Variants in CDC14A observed in about 807,000 individuals in gnomAD.
CDC14A encodes the protein dual specificity protein phosphatase CDC14A.
CDC14A carries 53 observed loss-of-function variants against 74.4 expected under a neutral mutation model. The ratio of observed to expected loss-of-function variants is 0.71; its 90% CI spans 0.57 to 0.89. CDC14A has a LOEUF of 0.89. CDC14A is among the 40% of genes least tolerant of loss of function. CDC14A has a pLI of 0.00. For missense variants in CDC14A, 646 were observed against 713.7 expected (o/e 0.91, Z 1.08); for synonymous variants, 247 against 258.4 (o/e 0.96, Z 0.43).
chr1:100,396,049 T>G (rs1182021145), intron 4 of CDC14A, among the ~76,000 whole-genome samples: 1 of 152,260 alleles, frequency 6.6e-6, no homozygotes, highest in African/African-American at 2.4e-5. Context: ...TTACTTTGTT[T>G]ATGCATTTAC....
intron 9 of CDC14A, among the ~76,000 whole-genome samples, chr1:100,464,471 T>G (rs555355214): frequency 6.6e-6 from 1 of 152,278 alleles, no homozygotes; most frequent in Non-Finnish European, 1.5e-5. Flanking sequence ...ATTGCCCAGG[T>G]CCAAGAAAAA....
chr1:100,492,866 G>T (rs1045221028), intron 11 of CDC14A, among the ~76,000 whole-genome samples: 1 of 148,280 alleles, frequency 6.7e-6, no homozygotes, highest in Non-Finnish European at 1.5e-5. Context: ...GTGTGTGTAT[G>T]TGTGTGTGTG....
intron 5 of CDC14A, among the ~76,000 whole-genome samples, chr1:100,428,572 A>G (rs1053462100): frequency 1.3e-5 from 2 of 152,186 alleles, no homozygotes; most frequent in Non-Finnish European, 2.9e-5. Flanking sequence ...ATTATAGTGT[A>G]TACTATTGAG....
chr1:100,494,494 G>C (rs1647479073), intron 11 of CDC14A, among the ~76,000 whole-genome samples: 1 of 152,300 alleles, frequency 6.6e-6, no homozygotes, highest in Non-Finnish European at 1.5e-5. Context: ...GGGCCCTTCT[G>C]TATCTAGGCT....
chr1:100,448,758 C>T (rs990199269), intron 7 of CDC14A, among the ~76,000 whole-genome samples: 1 of 152,244 alleles, frequency 6.6e-6, no homozygotes, highest in African/African-American at 2.4e-5. Context: ...CATAGCTTTT[C>T]AGTTCATTTG....
intron 10 of CDC14A, among the ~76,000 whole-genome samples, chr1:100,469,957 A>T (rs932755232): frequency 2.6e-5 from 4 of 152,240 alleles, no homozygotes; most frequent in Non-Finnish European, 5.9e-5. Context: ...CTTAAGCTGT[A>T]TATAAAGAAC....
intron 10 of CDC14A, among the ~76,000 whole-genome samples, chr1:100,476,588 T>A (rs1571293617): frequency 6.7e-6 from 1 of 149,008 alleles, no homozygotes; most frequent in East Asian, 2.0e-4. Flanking sequence ...ATCTGCCTTT[T>A]TCTTTTCTAT....
At chr1:100,408,170 T>G (rs866129472) in intron 4 of CDC14A, among the ~76,000 whole-genome samples, 74 of 152,286 alleles carry the variant, frequency 4.9e-4, no homozygotes, top group African/African-American at 1.7e-3. Flanking sequence ...ATGCAGTATT[T>G]GGTTTTCTGT....
chr1:100,406,042 T>C (rs112371676), intron 4 of CDC14A, among the ~76,000 whole-genome samples: 1 of 152,232 alleles, frequency 6.6e-6, no homozygotes, highest in East Asian at 1.9e-4. Flanking sequence ...CAGCATCTGT[T>C]GTTTTTTGAC....
At chr1:100,363,110 C>G (rs1440946102) in intron 2 of CDC14A, 1 of 152,256 alleles carries the variant, frequency 6.6e-6, no homozygotes. Context: ...CCACCCTAAT[C>G]TTATTATGCA....
At chr1:100,408,570 C>T (rs1660250021) in intron 4 of CDC14A, among the ~76,000 whole-genome samples, 1 of 152,212 alleles carries the variant, frequency 6.6e-6, no homozygotes, top group Admixed American at 6.5e-5. Flanking sequence ...TGCAGCCTCA[C>T]CAGCATCTGT....
chr1:100,463,349 C>G (rs1423124802), intron 9 of CDC14A, among the ~76,000 whole-genome samples: 2 of 152,156 alleles, frequency 1.3e-5, no homozygotes, highest in African/African-American at 4.8e-5. Flanking sequence ...TCCCTCCCCT[C>G]CTAGTCTTTG....
intron 2 of CDC14A, among the ~76,000 whole-genome samples, chr1:100,367,234 T>A (rs1228883460): frequency 6.6e-6 from 1 of 152,236 alleles, no homozygotes; most frequent in Non-Finnish European, 1.5e-5. Flanking sequence ...CACCCTGCTT[T>A]TGTTCCAAGC....
intron 2 of CDC14A, among the ~76,000 whole-genome samples, chr1:100,361,754 G>T (rs1378075653): frequency 6.6e-6 from 1 of 152,206 alleles, no homozygotes; most frequent in African/African-American, 2.4e-5. Flanking sequence ...TTGGGGACTG[G>T]ATTGTGGAAA....
chr1:100,347,660 T>G (rs2100858198), upstream of CDC14A, among the ~76,000 whole-genome samples: 1 of 152,324 alleles, frequency 6.6e-6, no homozygotes, highest in South Asian at 2.1e-4. Context: ...AAATTATTTT[T>G]GGGATCAAAA....
chr1:100,458,117 G>T (rs1048486812), intron 8 of CDC14A, among the ~76,000 whole-genome samples: 1 of 152,178 alleles, frequency 6.6e-6, no homozygotes, highest in African/African-American at 2.4e-5. Flanking sequence ...TCTATTTAAT[G>T]ATCAGAACAA....
chr1:100,472,345 G>GT (rs991771809), intron 10 of CDC14A, among the ~76,000 whole-genome samples: 12 of 152,096 alleles, frequency 7.9e-5, no homozygotes, highest in African/African-American at 2.7e-4. Flanking sequence ...AGATATGCCT[G>GT]TTTATGTTCT....
chr1:100,390,705 C>T (rs1401481606), intron 3 of CDC14A, 27 bp from the exon 4 acceptor site: 2 of 1,441,246 alleles, frequency 1.4e-6, no homozygotes, highest in East Asian at 4.5e-5. Context: ...TATGGTTACA[C>T]TAACTCTTTT....
chr1:100,394,956 T>C (rs1480679424), intron 4 of CDC14A, among the ~76,000 whole-genome samples: 2 of 152,214 alleles, frequency 1.3e-5, no homozygotes, highest in Non-Finnish European at 2.9e-5. Flanking sequence ...TAAGTGTCCG[T>C]TTTCTGGGGG....
Sources: gnomAD v4.1 joint callset for allele counts (sites outside exome capture counted in the v4.1 genomes callset) on GRCh38, gnomAD v4.1.1 for gene constraint, MANE v1.5 for transcripts, NCBI Gene and HGNC (gene_info 2026-07-23, HGNC 2026-07-21) for gene names.